The following RGL1 variants were observed in gnomAD, a reference collection of about 807,000 sequenced individuals.
The protein encoded by RGL1 is ral guanine nucleotide dissociation stimulator-like 1.
Under a neutral mutation model 95.2 loss-of-function variants are expected in RGL1, and 24 were observed. The ratio of observed to expected loss-of-function variants is 0.25; its 90% CI spans 0.18 to 0.35. The LOEUF (loss-of-function observed/expected upper bound fraction) is 0.35. Among genes scored for constraint, RGL1 ranks in the 10% least tolerant of loss-of-function variants. The pLI is 1.00. For missense variants in RGL1, 715 were observed against 936.3 expected (o/e 0.76, Z 3.08); for synonymous variants, 329 against 344.9 (o/e 0.95, Z 0.51).
intron 13 of RGL1, among the ~76,000 whole-genome samples, chr1:183,905,817 G>C (rs1444389403): frequency 6.6e-6 from 1 of 151,412 alleles, no homozygotes; most frequent in African/African-American, 2.4e-5. Flanking sequence ...GGGTGGGGGG[G>C]AACAAAAAAA....
At chr1:183,719,458 GCTGATGGCA>G (rs144905816) in intron 1 of RGL1, among the ~76,000 whole-genome samples, 1,854 of 152,210 alleles carry the variant, frequency 0.012, 47 homozygotes, top group African/African-American at 0.043. Context: ...CTGAGGACAA[GCTGATGGCA>G]CTGGCTCTGT....
At chr1:183,641,697 T>C (rs764306830) in intron 1 of RGL1, among the ~76,000 whole-genome samples, 2 of 152,252 alleles carry the variant, frequency 1.3e-5, no homozygotes, top group Non-Finnish European at 2.9e-5. Flanking sequence ...CCTTTTTTTC[T>C]ATGCTCTGCA....
chr1:183,818,524 G>A (rs1416209198), intron 2 of RGL1, among the ~76,000 whole-genome samples: 2 of 152,084 alleles, frequency 1.3e-5, no homozygotes, highest in Non-Finnish European at 2.9e-5. Context: ...TCTGGATTAA[G>A]GATCCTTTTA....
intron 2 of RGL1, among the ~76,000 whole-genome samples, chr1:183,766,182 G>A (rs1005859196): frequency 7.2e-5 from 11 of 152,022 alleles, no homozygotes; most frequent in Admixed American, 1.3e-4. Flanking sequence ...CGAGGCGGGC[G>A]GATCATGAGG....
chr1:183,690,769 A>T (rs1163538090), intron 1 of RGL1, among the ~76,000 whole-genome samples: 1 of 152,204 alleles, frequency 6.6e-6, no homozygotes, highest in Non-Finnish European at 1.5e-5. Context: ...AGATCATGTA[A>T]AAGTATGCCC....
chr1:183,730,326 T>C (rs1656557361), intron 1 of RGL1, among the ~76,000 whole-genome samples: 1 of 152,056 alleles, frequency 6.6e-6, no homozygotes, highest in African/African-American at 2.4e-5. Flanking sequence ...AGAGCCAGGG[T>C]TCCCTCCTAG....
chr1:183,835,849 T>C (rs186687849), intron 2 of RGL1, among the ~76,000 whole-genome samples: 39 of 152,344 alleles, frequency 2.6e-4, no homozygotes, highest in African/African-American at 8.9e-4. Context: ...ACAAAAATCC[T>C]ATGAAGTCTG....
chr1:183,918,268 G>C lies in RGL1; in HGVS notation c.2004+1567G>C, dbSNP rs141101789. On this transcript the variant is annotated intron_variant, in intron 16 of 17. Transcript: ENST00000360851. ...TACTGGGAGTTGTCAAACCCCACAG[G>C]GGGGACGTGGTCTCGCGAGACTGAG... Among the ~76,000 whole-genome samples, 5 of 152,290 alleles carry C rather than the reference G, an allele frequency of 3.3e-5. No individual in the cohort carries two copies. In the East Asian group the frequency reaches 5.8e-4, roughly 18 times the overall value.
At chr1:183,657,427 C>T (rs1651254230) in intron 1 of RGL1, among the ~76,000 whole-genome samples, 2 of 152,204 alleles carry the variant, frequency 1.3e-5, no homozygotes, top group African/African-American at 4.8e-5. Flanking sequence ...TCTCCTAATG[C>T]TATCCCTCCC....
chr1:183,796,740 A>T (rs1660721472), intron 2 of RGL1, among the ~76,000 whole-genome samples: 2 of 152,194 alleles, frequency 1.3e-5, no homozygotes, highest in East Asian at 3.8e-4. Flanking sequence ...TGATTTAGCT[A>T]ATTGCCCAGT....
At chr1:183,898,047 G>C in intron 10 of RGL1, 150 bp downstream of exon 10, 1 of 634,442 alleles carries the variant, frequency 1.6e-6, no homozygotes, top group Non-Finnish European at 2.8e-6. Context: ...GTTCTCAGCA[G>C]CCCTGGGAGG....
At chr1:183,799,747 T>C (rs1408002699) in intron 2 of RGL1, among the ~76,000 whole-genome samples, 1 of 152,248 alleles carries the variant, frequency 6.6e-6, no homozygotes, top group East Asian at 1.9e-4. Flanking sequence ...TTTTATTACA[T>C]ACTTATTTCG....
intron 1 of RGL1, among the ~76,000 whole-genome samples, chr1:183,645,456 A>T (rs540880407): frequency 1.9e-4 from 29 of 152,294 alleles, no homozygotes; most frequent in African/African-American, 7.0e-4. Context: ...CCTTTTCCAG[A>T]TCATCATATT....
At chr1:183,776,293 C>G (rs191566428) in intron 2 of RGL1, among the ~76,000 whole-genome samples, 1 of 151,304 alleles carries the variant, frequency 6.6e-6, no homozygotes, top group African/African-American at 2.4e-5. Flanking sequence ...GGACTACAGG[C>G]GCCCGCTACC....
intron 2 of RGL1, among the ~76,000 whole-genome samples, chr1:183,777,542 TG>T (rs1355116454): frequency 1.3e-5 from 2 of 152,220 alleles, no homozygotes; most frequent in Non-Finnish European, 2.9e-5. Context: ...GGTTTCATAA[TG>T]GAAAATAAGC....
chr1:183,746,720 A>G (rs983800348), intron 2 of RGL1, among the ~76,000 whole-genome samples: 1 of 151,572 alleles, frequency 6.6e-6, no homozygotes, highest in Non-Finnish European at 1.5e-5. Flanking sequence ...ACAGGTATAC[A>G]TATGCCATGG....
intron 1 of RGL1, among the ~76,000 whole-genome samples, chr1:183,658,213 A>G (rs1267046647): frequency 6.6e-6 from 1 of 152,206 alleles, no homozygotes; most frequent in Non-Finnish European, 1.5e-5. Flanking sequence ...GGCGCAGGAC[A>G]GTGGGTGCAG....
intron 1 of RGL1, chr1:183,647,215 A>G (rs1389586722): frequency 6.5e-6 from 1 of 153,710 alleles, no homozygotes; most frequent in Non-Finnish European, 1.4e-5. Flanking sequence ...TCTTCTGTCC[A>G]TGATTAACAA....
intron 1 of RGL1, among the ~76,000 whole-genome samples, chr1:183,722,203 G>A (rs1656047633): frequency 6.7e-6 from 1 of 149,332 alleles, no homozygotes; most frequent in Non-Finnish European, 1.5e-5. Flanking sequence ...CAAGAAGAAG[G>A]AGAGAACACT....
Sources: gnomAD v4.1 joint callset for allele counts (sites outside exome capture counted in the v4.1 genomes callset) on GRCh38, gnomAD v4.1.1 for gene constraint, MANE v1.5 for transcripts, NCBI Gene and HGNC (gene_info 2026-07-23, HGNC 2026-07-21) for gene names.